Variants in CSMD2 observed in about 807,000 individuals in gnomAD.
CSMD2 encodes the protein CUB and sushi domain-containing protein 2.
A neutral mutation model predicts 398.5 loss-of-function variants in CSMD2; 130 were observed. The observed-to-expected ratio is 0.33, with a 90% CI of 0.28 to 0.38. The LOEUF (loss-of-function observed/expected upper bound fraction) is 0.38, where lower values mean the gene tolerates loss of function less well. Among genes scored for constraint, CSMD2 ranks in the 10% least tolerant of loss-of-function variants. CSMD2 has a pLI of 1.00. For synonymous variants in CSMD2, 1,828 were observed against 1,908.5 expected (o/e 0.96, Z 1.10); for missense variants, 3,829 against 4,764.9 (o/e 0.80, Z 5.78).
At chr1:33,852,651 A>G (rs1448678676) in intron 5 of CSMD2, among the ~76,000 whole-genome samples, 2 of 152,216 alleles carry the variant, frequency 1.3e-5, no homozygotes, top group Non-Finnish European at 2.9e-5. Context: ...AATTGTACTC[A>G]TCTTTTGAGT....
chr1:34,142,172 T>C (rs77963748), intron 1 of CSMD2, among the ~76,000 whole-genome samples: 3,737 of 152,300 alleles, frequency 0.025, 61 homozygotes, highest in African/African-American at 0.039. Flanking sequence ...GCCATTCTTT[T>C]GCTGCCACGG....
At chr1:34,069,829 CA>C (rs1329057310) in intron 2 of CSMD2, among the ~76,000 whole-genome samples, 2 of 152,190 alleles carry the variant, frequency 1.3e-5, no homozygotes, top group Non-Finnish European at 1.5e-5. Flanking sequence ...ATGATTTAGA[CA>C]AAAGTGTGAT....
chr1:34,005,454 AGGT>A (rs149312156), intron 3 of CSMD2, among the ~76,000 whole-genome samples: 66,620 of 151,742 alleles, frequency 0.44, 15,021 homozygotes, highest in African/African-American at 0.5. Context: ...ATTTATGATT[AGGT>A]GTAACCCATA....
intron 2 of CSMD2, among the ~76,000 whole-genome samples, chr1:34,048,879 T>C (rs970409262): frequency 1.3e-5 from 2 of 152,236 alleles, no homozygotes; most frequent in Admixed American, 1.3e-4. Flanking sequence ...TGGACAGAAA[T>C]GCTTGTTGGC....
chr1:34,000,122 AG>A (rs1646853917), intron 3 of CSMD2, among the ~76,000 whole-genome samples: 1 of 152,156 alleles, frequency 6.6e-6, no homozygotes, highest in African/African-American at 2.4e-5. Flanking sequence ...AATCTAAACA[AG>A]AAGTGTTGAC....
At chr1:33,738,782 G>A (rs1646962704) in intron 15 of CSMD2, among the ~76,000 whole-genome samples, 1 of 152,110 alleles carries the variant, frequency 6.6e-6, no homozygotes, top group Admixed American at 6.5e-5. Flanking sequence ...CCGAAAACTC[G>A]CAGCGCTGCC....
At chr1:34,075,572 G>T (rs1270969069) in intron 2 of CSMD2, among the ~76,000 whole-genome samples, 7 of 152,238 alleles carry the variant, frequency 4.6e-5, no homozygotes, top group Admixed American at 4.6e-4. Context: ...GGAACGAGTT[G>T]TAGTGTTTCC....
At position 33,825,784 on chromosome 1, in the gene CSMD2, A is replaced by C; in HGVS notation, c.1034-10T>G. The C allele has an allele frequency of 6.2e-7, 1 of 1,611,648 alleles. No homozygotes were observed. Among genetic ancestry groups the C allele is most frequent in the Non-Finnish European group, 8.5e-7 (1 of 1,178,244 alleles). On this transcript the variant is annotated splice_polypyrimidine_tract_variant and intron_variant, in intron 6 of 70. Transcript: ENST00000373381. ...TCAATTTGCTTCTTGACTAGAGAGGAGGTAAGAGGAAAAACAATGTGAGTT... is the reference window on the plus strand; with the variant it reads ...TCAATTTGCTTCTTGACTAGAGAGGCGGTAAGAGGAAAAACAATGTGAGTT...
At position 33,688,245 on chromosome 1, in the gene CSMD2, GTAGGTC is replaced by G. The variant is rs1432932663; in HGVS notation, c.4052+4679_4052+4684del. 2.0e-4 allele frequency among the ~76,000 whole-genome samples: 31 copies of G among 152,278 alleles called. 1 individual carries two copies. In the East Asian group the frequency reaches 2.5e-3, roughly 12 times the overall value. ...CTCTGTACCCATCAAACAGGATGAG[GTAGGTC>G]TATAGACATTGACATGATGAGATGG... On this transcript the variant is annotated intron_variant, in intron 25 of 70. Transcript: ENST00000373381.
chr1:34,135,025 G>C (rs552513275), intron 1 of CSMD2, among the ~76,000 whole-genome samples: 2 of 152,240 alleles, frequency 1.3e-5, no homozygotes, highest in Admixed American at 1.3e-4. Context: ...AGACCTATTT[G>C]ATCACAGATT....
chr1:34,070,173 A>T (rs1367713854), intron 2 of CSMD2, among the ~76,000 whole-genome samples: 2 of 152,224 alleles, frequency 1.3e-5, no homozygotes, highest in Non-Finnish European at 2.9e-5. Context: ...TGAGGCCTTC[A>T]CCTAACTTAC....
chr1:33,922,289 T>G (rs186312551), intron 4 of CSMD2, among the ~76,000 whole-genome samples: 1 of 151,990 alleles, frequency 6.6e-6, no homozygotes, highest in Non-Finnish European at 1.5e-5. Flanking sequence ...GAAGCAAAGA[T>G]ACCTGAAAGA....
chr1:33,833,403 C>A (rs1348948929), intron 6 of CSMD2, among the ~76,000 whole-genome samples: 5 of 150,838 alleles, frequency 3.3e-5, no homozygotes, highest in African/African-American at 1.2e-4. Flanking sequence ...ACAAAAACCA[C>A]ATGATTATCT....
rs1642280009 is a variant in CSMD2 at position 33,628,696 on chromosome 1, A to C, written c.5201-2115T>G. Among the ~76,000 whole-genome samples the C allele has an allele frequency of 3.9e-5, 6 of 152,194 alleles. No individual in the cohort carries two copies. In the South Asian group the frequency reaches 1.2e-3, roughly 32 times the overall value. ...AAAAAAAAAAAAAAAAAATCATTTAAGAAAGAAGACACTTTTCCTAAGATG... is the reference window on the plus strand; with the variant it reads ...AAAAAAAAAAAAAAAAAATCATTTACGAAAGAAGACACTTTTCCTAAGATG... On this transcript the variant is annotated intron_variant, in intron 32 of 70. Coordinates refer to ENST00000373381, the MANE Select transcript of CSMD2 (RefSeq NM_001281956.2).
chr1:33,671,856 A>C (rs1644511302), intron 25 of CSMD2, among the ~76,000 whole-genome samples: 1 of 152,226 alleles, frequency 6.6e-6, no homozygotes, highest in Non-Finnish European at 1.5e-5. Flanking sequence ...CACGGTCCTC[A>C]GTTCTTTTAC....
intron 3 of CSMD2, among the ~76,000 whole-genome samples, chr1:33,975,809 C>T (rs914045521): frequency 6.6e-6 from 1 of 152,090 alleles, no homozygotes; most frequent in Non-Finnish European, 1.5e-5. Context: ...TTGGGGATGT[C>T]GAACTGAATC....
chr1:33,780,795 T>G (rs1652653249), intron 12 of CSMD2, among the ~76,000 whole-genome samples: 1 of 152,210 alleles, frequency 6.6e-6, no homozygotes, highest in African/African-American at 2.4e-5. Flanking sequence ...TGAAAAACCT[T>G]TAGAGGTATC....
At position 33,527,227 on chromosome 1, in the gene CSMD2, A is replaced by C; in HGVS notation, c.10203T>G (p.Thr3401=). 1 of 1,614,122 alleles carries C rather than the reference A, an allele frequency of 6.2e-7. No homozygotes were observed. The highest frequency in any genetic ancestry group is 8.5e-7 in the Non-Finnish European group (1 of 1,179,990). Residue 3401 remains threonine (T), a synonymous_variant, in exon 65 of 71, where the codon ACT becomes ACG. Transcript: ENST00000373381. The part of the protein sequence containing the change: ...EVRPSGRPIN[T]AREPPLTQAL... ...CTTGGGTGAGCGGTGGCTCCCGGGC[A>C]GTGTTGATGGGTCTCCCACTGGGCC...
chr1:33,739,088 C>G (rs1423693662), intron 15 of CSMD2, 52 bp downstream of exon 15: 3 of 1,556,732 alleles, frequency 1.9e-6, no homozygotes, highest in Non-Finnish European at 2.6e-6. Flanking sequence ...GCTCCCCCTC[C>G]CCAGCCTCTC....
Sources: allele counts gnomAD v4.1 joint callset (sites outside exome capture counted in the v4.1 genomes callset), GRCh38; gene constraint gnomAD v4.1.1; transcripts MANE v1.5; gene names NCBI Gene and HGNC (gene_info 2026-07-23, HGNC 2026-07-21).